The following NRG1 variants were observed in gnomAD, a reference collection of about 807,000 sequenced individuals.
NRG1 encodes neuregulin 1.
Under a neutral mutation model 63.8 loss-of-function variants are expected in NRG1, and 18 were observed. That is an observed-to-expected ratio of 0.28 (90% CI 0.19 to 0.42). NRG1 has a LOEUF of 0.42. Among genes scored for constraint, NRG1 ranks in the 10% least tolerant of loss-of-function variants. The pLI is 1.00. For synonymous variants in NRG1, 302 were observed against 301.3 expected (o/e 1.00, Z -0.02); for missense variants, 762 against 814.7 (o/e 0.94, Z 0.79).
intron 1 of NRG1, among the ~76,000 whole-genome samples, chr8:31,850,390 C>A (rs1183752712): frequency 6.6e-6 from 1 of 152,102 alleles, no homozygotes; most frequent in Non-Finnish European, 1.5e-5. Context: ...TTAGGTTCCC[C>A]CTGTGGTTGC....
intron 1 of NRG1, among the ~76,000 whole-genome samples, chr8:32,197,385 G>C (rs1843065689): frequency 6.6e-6 from 1 of 152,132 alleles, no homozygotes; most frequent in African/African-American, 2.4e-5. Context: ...AGGTGGCCTT[G>C]GCTCATCACC....
intron 1 of NRG1, among the ~76,000 whole-genome samples, chr8:32,320,714 G>A (rs1801284916): frequency 6.6e-6 from 1 of 152,100 alleles, no homozygotes; most frequent in Non-Finnish European, 1.5e-5. Flanking sequence ...CCTGAGATTT[G>A]GGTGGGGACA....
At chr8:32,106,037 A>C (rs1412296051) in intron 1 of NRG1, among the ~76,000 whole-genome samples, 1 of 152,166 alleles carries the variant, frequency 6.6e-6, no homozygotes, top group African/African-American at 2.4e-5. Flanking sequence ...CTACTCTCTT[A>C]GGATACAGAA....
intron 1 of NRG1, among the ~76,000 whole-genome samples, chr8:32,259,125 G>GA (rs1264075195): frequency 5.9e-5 from 9 of 152,164 alleles, no homozygotes; most frequent in African/African-American, 2.2e-4. Flanking sequence ...TCTAACTTGA[G>GA]ACTTACCTTC....
chr8:31,992,398 T>C (rs1339913415), intron 1 of NRG1, among the ~76,000 whole-genome samples: 1 of 152,004 alleles, frequency 6.6e-6, no homozygotes, highest in East Asian at 1.9e-4. Flanking sequence ...TGCCTGATAC[T>C]GAACTCTAAC....
intron 7 of NRG1, among the ~76,000 whole-genome samples, chr8:32,773,011 AC>A (rs746789871): frequency 1.3e-5 from 2 of 152,072 alleles, no homozygotes; most frequent in African/African-American, 2.4e-5. Flanking sequence ...TTAGTTTATA[AC>A]CCTTATCTTC....
intron 1 of NRG1, among the ~76,000 whole-genome samples, chr8:32,498,064 C>A (rs1173922540): frequency 6.6e-6 from 1 of 152,116 alleles, no homozygotes; most frequent in African/African-American, 2.4e-5. Context: ...CTCAGGTCAT[C>A]CACTCACCTC....
chr8:32,064,806 A>C (rs1026770059), intron 1 of NRG1, among the ~76,000 whole-genome samples: 1 of 152,140 alleles, frequency 6.6e-6, no homozygotes, highest in Admixed American at 6.6e-5. Context: ...TAGTGAAAAA[A>C]TAAACATTAG....
At chr8:32,673,579 A>G (rs1391694856) in intron 5 of NRG1, among the ~76,000 whole-genome samples, 1 of 152,212 alleles carries the variant, frequency 6.6e-6, no homozygotes, top group Non-Finnish European at 1.5e-5. Context: ...GCTCTTTGAC[A>G]GTGGAAAATG....
At chr8:32,176,036 G>A (rs941003964) in intron 1 of NRG1, among the ~76,000 whole-genome samples, 50 of 152,144 alleles carry the variant, frequency 3.3e-4, no homozygotes, top group Non-Finnish European at 4.7e-4. Flanking sequence ...TCAATCCTAA[G>A]CCAAAAGAAC....
intron 1 of NRG1, among the ~76,000 whole-genome samples, chr8:32,366,790 C>A (rs1462010686): frequency 1.3e-5 from 2 of 149,522 alleles, no homozygotes; most frequent in South Asian, 2.1e-4. Flanking sequence ...CAGCTAACTG[C>A]AACCTCCACC....
intron 5 of NRG1, among the ~76,000 whole-genome samples, chr8:32,649,539 C>A (rs533187856): frequency 2.6e-5 from 4 of 152,108 alleles, no homozygotes; most frequent in African/African-American, 9.7e-5. Context: ...ATTTCTCTGA[C>A]GAAATGCCTC....
At chr8:32,352,771 T>C (rs1215115590) in intron 1 of NRG1, among the ~76,000 whole-genome samples, 1 of 151,912 alleles carries the variant, frequency 6.6e-6, no homozygotes, top group Non-Finnish European at 1.5e-5. Flanking sequence ...GTCCCAGCTA[T>C]GCCAGAAGAG....
intron 1 of NRG1, among the ~76,000 whole-genome samples, chr8:31,860,527 T>C (rs1376235715): frequency 6.6e-6 from 1 of 152,136 alleles, no homozygotes; most frequent in Non-Finnish European, 1.5e-5. Context: ...CCATTATTTT[T>C]TTGCATGAAA....
intron 5 of NRG1, among the ~76,000 whole-genome samples, chr8:32,648,936 C>T (rs1003915060): frequency 2.2e-4 from 33 of 152,164 alleles, no homozygotes; most frequent in African/African-American, 8.0e-4. Flanking sequence ...AGTCTTAAGA[C>T]ATTTACGGTG....
intron 5 of NRG1, among the ~76,000 whole-genome samples, chr8:32,726,338 A>G (rs571657231): frequency 1.3e-5 from 2 of 151,846 alleles, no homozygotes; most frequent in East Asian, 1.9e-4. Flanking sequence ...TTTTTTGCCA[A>G]TTCCTTTATC....
intron 1 of NRG1, among the ~76,000 whole-genome samples, chr8:31,912,059 C>A (rs1832986173): frequency 6.6e-6 from 1 of 152,096 alleles, no homozygotes; most frequent in Non-Finnish European, 1.5e-5. Flanking sequence ...ACCTGATAGA[C>A]TTGTTGTGAG....
chr8:32,342,197 A>T (rs1366172415), intron 1 of NRG1, among the ~76,000 whole-genome samples: 1 of 152,232 alleles, frequency 6.6e-6, no homozygotes, highest in Non-Finnish European at 1.5e-5. Flanking sequence ...AGAATAAAAA[A>T]TGTCTAAGTT....
At chr8:32,343,238 G>T (rs974768938) in intron 1 of NRG1, among the ~76,000 whole-genome samples, 1 of 152,038 alleles carries the variant, frequency 6.6e-6, no homozygotes. Flanking sequence ...TTAATATTTG[G>T]CTTAATATAT....
Sources: allele counts gnomAD v4.1 joint callset (sites outside exome capture counted in the v4.1 genomes callset), GRCh38; gene constraint gnomAD v4.1.1; transcripts MANE v1.5; gene names NCBI Gene and HGNC (gene_info 2026-07-23, HGNC 2026-07-21).